NRXN1: variants seen among roughly 807,000 people sequenced by gnomAD.
NRXN1 encodes the protein neurexin-1.
Under a neutral mutation model 150.9 loss-of-function variants are expected in NRXN1, and 39 were observed. The ratio of observed to expected loss-of-function variants is 0.26; its 90% CI spans 0.20 to 0.34. The LOEUF (loss-of-function observed/expected upper bound fraction) is 0.34. Among genes scored for constraint, NRXN1 ranks in the 10% least tolerant of loss-of-function variants. The probability of loss-of-function intolerance (pLI) is 1.00; values close to 1 mark genes in which losing one functional copy is unlikely to be tolerated. For synonymous variants in NRXN1, 924 were observed against 757.0 expected (o/e 1.22, Z -3.62); for missense variants, 1,815 against 1,949.9 (o/e 0.93, Z 1.30).
chr2:50,337,077 CTTTTTCTTTTTTT>C (rs2077235221), intron 17 of NRXN1, among the ~76,000 whole-genome samples: 1 of 143,856 alleles, frequency 7.0e-6, no homozygotes, highest in African/African-American at 2.6e-5. Context: ...TTTCTTTTTT[CTTTTTCTTTTTTT>C]TTTTTTTTTT....
chr2:50,908,674 G>T (rs1684083084), intron 5 of NRXN1, among the ~76,000 whole-genome samples: 1 of 152,002 alleles, frequency 6.6e-6, no homozygotes, highest in South Asian at 2.1e-4. Context: ...GAGTTGCTAT[G>T]GTTTGAATGT....
Position 50,268,068 on chromosome 2 carries a change from T to C in NRXN1, c.3365-31098A>G, listed in dbSNP as rs904717642. On this transcript the variant is annotated intron_variant, in intron 17 of 22. Transcript: ENST00000401669. The stretch of plus-strand genomic sequence containing the variant: ...AGCTGGGTGTGGTAACGTGCACTTG[T>C]AAACCCAGCTACTTGGGAGGCTGAG... Among the ~76,000 whole-genome samples, 8 of 152,176 alleles carry C rather than the reference T, an allele frequency of 5.3e-5. No individual in the cohort carries two copies. The South Asian group carries it at 6.2e-4, about 12-fold the overall frequency.
At chr2:50,287,409 T>C (rs910302083) in intron 17 of NRXN1, among the ~76,000 whole-genome samples, 3 of 152,150 alleles carry the variant, frequency 2.0e-5, no homozygotes, top group Non-Finnish European at 2.9e-5. Context: ...AAAATTGACA[T>C]TGTTGTCTTC....
chr2:50,899,255 T>G (rs1682529557), intron 5 of NRXN1, among the ~76,000 whole-genome samples: 1 of 152,206 alleles, frequency 6.6e-6, no homozygotes, highest in Admixed American at 6.5e-5. Flanking sequence ...TCCACCGTAA[T>G]TTCTGAAGTG....
chr2:50,397,728 T>C (rs2082137106), intron 17 of NRXN1, among the ~76,000 whole-genome samples: 1 of 152,178 alleles, frequency 6.6e-6, no homozygotes, highest in South Asian at 2.1e-4. Flanking sequence ...AAAGGAAATC[T>C]GTTGTGTTTA....
chr2:50,562,833 T>G (rs533404424), intron 8 of NRXN1, among the ~76,000 whole-genome samples: 1 of 152,270 alleles, frequency 6.6e-6, no homozygotes, highest in Non-Finnish European at 1.5e-5. Context: ...TATTGATGTT[T>G]ATTTTTTCTT....
At chr2:50,000,143 T>C (rs1414867703) in intron 21 of NRXN1, among the ~76,000 whole-genome samples, 1 of 152,166 alleles carries the variant, frequency 6.6e-6, no homozygotes, top group Non-Finnish European at 1.5e-5. Context: ...TGAACTAATA[T>C]GCACAGAAAA....
chr2:50,143,677 A>C (rs1340028725), intron 18 of NRXN1, among the ~76,000 whole-genome samples: 1 of 151,902 alleles, frequency 6.6e-6, no homozygotes, highest in Non-Finnish European at 1.5e-5. Context: ...ATCCAAATTC[A>C]TAAGTGGAGT....
chr2:49,934,421 G>A (rs771224439), intron 22 of NRXN1, among the ~76,000 whole-genome samples: 1 of 152,154 alleles, frequency 6.6e-6, no homozygotes, highest in Non-Finnish European at 1.5e-5. Flanking sequence ...GTCATTCTGT[G>A]TAATGGGGCA....
At chr2:50,836,144 T>C (rs572813845) in intron 5 of NRXN1, among the ~76,000 whole-genome samples, 1 of 152,302 alleles carries the variant, frequency 6.6e-6, no homozygotes, top group African/African-American at 2.4e-5. Context: ...TATTAATGTA[T>C]GGTTTTCTTC....
chr2:50,665,555 C>G (rs1460179902), intron 5 of NRXN1, among the ~76,000 whole-genome samples: 1 of 151,944 alleles, frequency 6.6e-6, no homozygotes, highest in African/African-American at 2.4e-5. Flanking sequence ...ATGCTCACCA[C>G]TTGAAGTCAG....
chr2:50,838,008 G>C (rs1672349781), intron 5 of NRXN1, among the ~76,000 whole-genome samples: 1 of 152,050 alleles, frequency 6.6e-6, no homozygotes, highest in Non-Finnish European at 1.5e-5. Flanking sequence ...TGTTGCCTGA[G>C]TGAAACACAT....
At chr2:50,952,156 C>T (rs984226902) in intron 2 of NRXN1, among the ~76,000 whole-genome samples, 3 of 150,620 alleles carry the variant, frequency 2.0e-5, no homozygotes, top group African/African-American at 4.9e-5. Context: ...TTAGTAGAGA[C>T]GGGGTTTCAC....
intron 21 of NRXN1, among the ~76,000 whole-genome samples, chr2:50,033,374 G>A (rs894580453): frequency 6.6e-6 from 1 of 151,998 alleles, no homozygotes; most frequent in Non-Finnish European, 1.5e-5. Context: ...TAAGCAAAGA[G>A]GAAAGGACTC....
intron 17 of NRXN1, among the ~76,000 whole-genome samples, chr2:50,329,000 T>C (rs114123967): frequency 1.1e-3 from 167 of 151,872 alleles, no homozygotes; most frequent in African/African-American, 3.8e-3. Context: ...TACAGAATCA[T>C]CTCCAAGGGG....
Position 50,497,671 on chromosome 2 carries a change from T to C in NRXN1, c.2541A>G (p.Ile847Met). 1 of 1,613,828 alleles carries C rather than the reference T, an allele frequency of 6.2e-7. No individual in the cohort carries two copies. The highest frequency in any genetic ancestry group is 2.2e-5 in the East Asian group (1 of 44,882). ...GDHTRLEFHNIETGIITERRY... is the reference protein window; with the variant it reads ...GDHTRLEFHNMETGIITERRY... ...GTCGTTCTGTGATGATGCCAGTCTC[T>C]ATGTTATGGAACTCCAGCCTAGTAT... Residue 847 changes from isoleucine (I) to methionine (M), a missense_variant, in exon 14 of 23, where the codon ATA becomes ATG. This residue lies in a region of NRXN1 where 638 missense variants were observed against 652.6 expected (regional missense o/e 0.98). Transcript: ENST00000401669.
intron 5 of NRXN1, among the ~76,000 whole-genome samples, chr2:50,736,288 GT>G (rs1182489285): frequency 5.3e-5 from 8 of 152,040 alleles, no homozygotes; most frequent in Non-Finnish European, 1.2e-4. Context: ...CATCACAAAT[GT>G]CATTTCTTTA....
Position 50,863,813 on chromosome 2 carries a change from C to G in NRXN1, c.832+58056G>C, listed in dbSNP as rs555845985. On this transcript the variant is annotated intron_variant, in intron 5 of 22. Transcript: ENST00000401669. The stretch of plus-strand genomic sequence containing the variant: ...GTCAGACATTAAAAAACTGTAAAAG[C>G]CCACTGATCTACCAAATCCTTTTGA... 3.9e-5 allele frequency among the ~76,000 whole-genome samples: 6 copies of G among 152,050 alleles called. No homozygotes were observed. The East Asian group carries it at 1.2e-3, about 30-fold the overall frequency.
chr2:50,951,669 T>G (rs1221276723), intron 2 of NRXN1, among the ~76,000 whole-genome samples: 1 of 152,054 alleles, frequency 6.6e-6, no homozygotes, highest in East Asian at 1.9e-4. Flanking sequence ...GCTCCATTAG[T>G]GTGCAAATGT....
Sources: allele counts gnomAD v4.1 joint callset (sites outside exome capture counted in the v4.1 genomes callset), GRCh38; gene constraint gnomAD v4.1.1; regional missense constraint gnomAD v4.1.1; transcripts MANE v1.5; gene names NCBI Gene and HGNC (gene_info 2026-07-23, HGNC 2026-07-21).